STARD13: variants seen among roughly 807,000 people sequenced by gnomAD.
STARD13 encodes the protein StAR related lipid transfer domain containing 13.
STARD13 carries 62 observed loss-of-function variants against 106.4 expected under a neutral mutation model. The ratio of observed to expected loss-of-function variants is 0.58; its 90% CI spans 0.48 to 0.72. The LOEUF (loss-of-function observed/expected upper bound fraction) is 0.72, where lower values mean the gene tolerates loss of function less well. STARD13 is among the 30% of genes least tolerant of loss of function. STARD13 has a pLI of 0.00. For missense variants in STARD13, 1,387 were observed against 1,424.0 expected (o/e 0.97, Z 0.42); for synonymous variants, 565 against 553.0 (o/e 1.02, Z -0.31).
intron 3 of STARD13, among the ~76,000 whole-genome samples, chr13:33,156,091 G>A (rs1881941474): frequency 6.6e-6 from 1 of 152,192 alleles, no homozygotes; most frequent in Non-Finnish European, 1.5e-5. Context: ...AATTTCCATG[G>A]GTAAGGGCAT....
chr13:33,281,760 G>C (rs1334155726), intron 1 of STARD13, among the ~76,000 whole-genome samples: 1 of 152,096 alleles, frequency 6.6e-6, no homozygotes, highest in Non-Finnish European at 1.5e-5. Context: ...CTTATATGAG[G>C]TACTTAAAGT....
At chr13:33,173,111 C>A (rs1427683016) in intron 1 of STARD13, among the ~76,000 whole-genome samples, 1 of 152,140 alleles carries the variant, frequency 6.6e-6, no homozygotes. Flanking sequence ...ACTCAGCCAC[C>A]ACAAGATGCC....
At chr13:33,137,187 A>G (rs900586287) in intron 4 of STARD13, among the ~76,000 whole-genome samples, 1 of 152,240 alleles carries the variant, frequency 6.6e-6, no homozygotes, top group African/African-American at 2.4e-5. Flanking sequence ...AAAGTATCTT[A>G]GTCTGTGGCA....
chr13:33,132,693 A>G (rs1407027950), intron 4 of STARD13, among the ~76,000 whole-genome samples: 1 of 152,224 alleles, frequency 6.6e-6, no homozygotes, highest in Non-Finnish European at 1.5e-5. Context: ...TCTTAAAAAA[A>G]GGAAACAAAA....
At chr13:33,112,481 T>C (rs1435837724) in intron 9 of STARD13, among the ~76,000 whole-genome samples, 4 of 152,206 alleles carry the variant, frequency 2.6e-5, no homozygotes, top group African/African-American at 7.2e-5. Context: ...TTTATCTCTC[T>C]TTATCATCTA....
At chr13:33,457,419 C>G in the STARD13 span, among the ~76,000 whole-genome samples, 1 of 152,150 alleles carries the variant, frequency 6.6e-6, no homozygotes, top group East Asian at 1.9e-4. Flanking sequence ...AAAGAACTTT[C>G]GTTTACAAAG....
At chr13:33,567,020 A>G in the STARD13 span, among the ~76,000 whole-genome samples, 2 of 148,260 alleles carry the variant, frequency 1.3e-5, no homozygotes, top group East Asian at 4.0e-4. Context: ...CCCTTCTAAT[A>G]TTCCCATAGT....
intron 3 of STARD13, 152 bp from the exon 4 acceptor site, chr13:33,142,525 A>G: frequency 1.5e-6 from 1 of 674,390 alleles, no homozygotes; most frequent in South Asian, 1.8e-5. Flanking sequence ...GGTATGCTAT[A>G]TAGTAGTTCC....
Position 33,130,645 on chromosome 13 carries a change from G to T in STARD13, c.388-356C>A, listed in dbSNP as rs1878154057. Among the ~76,000 whole-genome samples the T allele has an allele frequency of 6.6e-6, 1 of 152,324 alleles. No homozygotes were observed. The highest frequency in any genetic ancestry group is 2.1e-4 in the South Asian group (1 of 4,828). ...ACGGTCTAAATATAAAGCACCTGCA[G>T]TCTTCTTTTTCACAAAGGAACTCAA... On this transcript the variant is annotated intron_variant, in intron 4 of 13. Coordinates refer to ENST00000336934, the MANE Select transcript of STARD13 (RefSeq NM_178006.4). This position sits in a 1 kb window ranked among gnomAD's most constrained non-coding sequence, Gnocchi z 4.1.
chr13:33,369,763 T>C, the STARD13 span, among the ~76,000 whole-genome samples: 1 of 152,208 alleles, frequency 6.6e-6, no homozygotes, highest in Non-Finnish European at 1.5e-5. Context: ...AAATTTCCCT[T>C]GCTTTGAGAG....
At chr13:33,646,550 G>T in the STARD13 span, among the ~76,000 whole-genome samples, 1 of 152,140 alleles carries the variant, frequency 6.6e-6, no homozygotes, top group Non-Finnish European at 1.5e-5. Flanking sequence ...AGTCAGGCAT[G>T]GTGTCTCTGG....
the STARD13 span, among the ~76,000 whole-genome samples, chr13:33,459,665 C>T: frequency 6.6e-5 from 10 of 152,280 alleles, no homozygotes; most frequent in African/African-American, 2.4e-4. Flanking sequence ...AACTGCCAAG[C>T]TGTGCAGATT....
the STARD13 span, among the ~76,000 whole-genome samples, chr13:33,519,262 TTCTTTCTTTCTTTTCTTTC>T: frequency 1.0e-3 from 156 of 149,732 alleles, no homozygotes; most frequent in African/African-American, 3.7e-3. Flanking sequence ...CTTTCTTTCT[TTCTTTCTTTCTTTTCTTTC>T]TCTTTCTTTC....
At chr13:33,323,056 C>T (rs1034021329) in intron 1 of STARD13, among the ~76,000 whole-genome samples, 3 of 152,026 alleles carry the variant, frequency 2.0e-5, no homozygotes, top group East Asian at 1.9e-4. Flanking sequence ...TTTTTTCCTC[C>T]GGCCAGAAAA....
chr13:33,489,277 T>C, the STARD13 span, among the ~76,000 whole-genome samples: 1 of 152,264 alleles, frequency 6.6e-6, no homozygotes, highest in African/African-American at 2.4e-5. Context: ...ATAATCTATA[T>C]GTAGTCATAT....
At chr13:33,422,858 T>C in the STARD13 span, among the ~76,000 whole-genome samples, 1 of 152,214 alleles carries the variant, frequency 6.6e-6, no homozygotes, top group Non-Finnish European at 1.5e-5. Context: ...GATACCCTAT[T>C]TAATAAATGG....
chr13:33,494,767 C>A, the STARD13 span, among the ~76,000 whole-genome samples: 1 of 151,846 alleles, frequency 6.6e-6, no homozygotes, highest in Non-Finnish European at 1.5e-5. Context: ...ATGAGAATGA[C>A]CAGTTGGCCA....
At chr13:33,248,461 G>C (rs1045510708) in intron 1 of STARD13, among the ~76,000 whole-genome samples, 2 of 152,202 alleles carry the variant, frequency 1.3e-5, no homozygotes, top group South Asian at 4.1e-4. Context: ...GGGCATGTGA[G>C]AGCATTAAGA....
chr13:33,524,944 C>T, the STARD13 span, among the ~76,000 whole-genome samples: 4 of 152,042 alleles, frequency 2.6e-5, no homozygotes, highest in Non-Finnish European at 5.9e-5. Context: ...AGTACATCTC[C>T]TGAATTTATT....
Sources: gnomAD v4.1 joint callset for allele counts (sites outside exome capture counted in the v4.1 genomes callset) on GRCh38, gnomAD v4.1.1 for gene constraint, Gnocchi (gnomAD v3.1) non-coding constraint, MANE v1.5 for transcripts, NCBI Gene and HGNC (gene_info 2026-07-23, HGNC 2026-07-21) for gene names.